LHFPL3: variants seen among roughly 807,000 people sequenced by gnomAD.
The protein encoded by LHFPL3 is LHFPL tetraspan subfamily member 3.
LHFPL3 carries 5 observed loss-of-function variants against 19.3 expected under a neutral mutation model. That is an observed-to-expected ratio of 0.26 (90% confidence interval 0.14 to 0.54). The LOEUF (loss-of-function observed/expected upper bound fraction) is 0.54. Among genes scored for constraint, LHFPL3 ranks in the 20% least tolerant of loss-of-function variants. The pLI, the probability that LHFPL3 is intolerant of heterozygous loss-of-function variation, is 0.94. For missense variants in LHFPL3, 249 were observed against 307.4 expected (o/e 0.81, Z 1.42); for synonymous variants, 133 against 126.2 (o/e 1.05, Z -0.36).
At position 104,602,272 on chromosome 7, in the gene LHFPL3, T is replaced by A. The variant is rs901518365; in HGVS notation, c.446-134403T>A. On this transcript the variant is annotated intron_variant, in intron 1 of 2. Transcript: ENST00000424859. ...CTGACCTCAAGTAATCCTCCCACCT[T>A]GGCCTCCCAAAGTGCTGAGATTACA... Among the ~76,000 whole-genome samples, 3 of 152,172 alleles carry A rather than the reference T, an allele frequency of 2.0e-5. No individual in the cohort carries two copies. In the South Asian group the frequency reaches 6.2e-4, roughly 32 times the overall value.
chr7:104,498,499 T>TG (rs1473727605), intron 1 of LHFPL3, among the ~76,000 whole-genome samples: 1 of 113,506 alleles, frequency 8.8e-6, no homozygotes, highest in Non-Finnish European at 1.6e-5. Context: ...AAGCAATGTT[T>TG]TTTTTTTTTT....
intron 1 of LHFPL3, among the ~76,000 whole-genome samples, chr7:104,377,454 G>T (rs1276558130): frequency 2.0e-5 from 3 of 152,216 alleles, no homozygotes; most frequent in Non-Finnish European, 4.4e-5. Flanking sequence ...GGAAAAGGAA[G>T]AGTTTAAGGA....
At position 104,373,790 on chromosome 7, in the gene LHFPL3, A is replaced by G. The variant is rs146868057; in HGVS notation, c.445+44566A>G. Among the ~76,000 whole-genome samples, 1,095 of 152,300 alleles carry G rather than the reference A, an allele frequency of 7.2e-3. 17 individuals are homozygous for G. Among genetic ancestry groups the G allele is most frequent in the African/African-American group, 0.025 (1,037 of 41,560 alleles). ...ATCTTTAAAAGAAGCTAGACTTTTA[A>G]TTAATCTCTTTAGGTTTGGGAGGGC... On this transcript the variant is annotated intron_variant, in intron 1 of 2. Transcript: ENST00000424859.
chr7:104,371,834 G>A (rs1790622412), intron 1 of LHFPL3, among the ~76,000 whole-genome samples: 1 of 152,156 alleles, frequency 6.6e-6, no homozygotes, highest in Non-Finnish European at 1.5e-5. Context: ...TATGCACATA[G>A]CATAGGAGTG....
chr7:104,686,034 C>T (rs542844953), intron 1 of LHFPL3, among the ~76,000 whole-genome samples: 1 of 152,192 alleles, frequency 6.6e-6, no homozygotes, highest in Non-Finnish European at 1.5e-5. Context: ...TTTCAAAAGC[C>T]TCAGCTCTGG....
intron 1 of LHFPL3, among the ~76,000 whole-genome samples, chr7:104,692,672 C>T (rs533695469): frequency 2.0e-5 from 3 of 152,330 alleles, no homozygotes; most frequent in Admixed American, 1.3e-4. Flanking sequence ...GTTGGGCCTG[C>T]GGGTACACAG....
At chr7:104,498,618 C>T (rs1793537016) in intron 1 of LHFPL3, among the ~76,000 whole-genome samples, 1 of 151,548 alleles carries the variant, frequency 6.6e-6, no homozygotes, top group South Asian at 2.1e-4. Flanking sequence ...GCTGGGACTA[C>T]AGGCGCCTGC....
At chr7:104,777,549 C>T (rs188497819) in intron 2 of LHFPL3, among the ~76,000 whole-genome samples, 10 of 152,324 alleles carry the variant, frequency 6.6e-5, no homozygotes, top group South Asian at 4.1e-4. Flanking sequence ...GCTATGTCTG[C>T]AGTTTCTTAT....
chr7:104,499,882 A>T (rs995885355), intron 1 of LHFPL3, among the ~76,000 whole-genome samples: 3 of 152,256 alleles, frequency 2.0e-5, no homozygotes, highest in Non-Finnish European at 4.4e-5. Flanking sequence ...GTAGAAGAAA[A>T]AAAGGAAAAT....
intron 1 of LHFPL3, among the ~76,000 whole-genome samples, chr7:104,525,387 AT>A (rs1794166989): frequency 6.6e-6 from 1 of 152,072 alleles, no homozygotes; most frequent in South Asian, 2.1e-4. Flanking sequence ...GTACTGATTT[AT>A]TCTAGGATAA....
At chr7:104,391,016 C>T (rs1484671858) in intron 1 of LHFPL3, among the ~76,000 whole-genome samples, 1 of 152,152 alleles carries the variant, frequency 6.6e-6, no homozygotes, top group African/African-American at 2.4e-5. Flanking sequence ...CCTTCGCCTA[C>T]TTTTTGATGG....
chr7:104,520,691 A>C (rs7806580), intron 1 of LHFPL3, among the ~76,000 whole-genome samples: 59,563 of 123,538 alleles, frequency 0.48, 14,890 homozygotes, highest in Middle Eastern at 0.6. Context: ...TGTATGTGTC[A>C]AGGAATTTAT....
intron 2 of LHFPL3, among the ~76,000 whole-genome samples, chr7:104,798,981 G>A (rs944493771): frequency 6.6e-6 from 1 of 152,142 alleles, no homozygotes; most frequent in Non-Finnish European, 1.5e-5. Flanking sequence ...TGGCGGGAAT[G>A]TTTAAGATTC....
At chr7:104,585,444 G>A (rs1004628180) in intron 1 of LHFPL3, among the ~76,000 whole-genome samples, 1 of 146,152 alleles carries the variant, frequency 6.8e-6, no homozygotes, top group Non-Finnish European at 1.5e-5. Flanking sequence ...TGCAGCTAAT[G>A]ATGAAAGTGG....
In LHFPL3 at chr7:104,639,316, G is replaced by A. The variant is rs77432168; in HGVS notation, c.446-97359G>A. Among the ~76,000 whole-genome samples the A allele has an allele frequency of 4.5e-3, 683 of 152,188 alleles. 41 individuals are homozygous for A. The East Asian group carries it at 0.11, about 25-fold the overall frequency. On this transcript the variant is annotated intron_variant, in intron 1 of 2. Coordinates refer to ENST00000424859, the MANE Select transcript of LHFPL3 (RefSeq NM_199000.3). ...GGTTCAGTCTTGGGAGTGTGTATGT[G>A]TCCAGGGATTTATCCATTTTTTTCC...
rs1794573041 is a variant in LHFPL3, at chr7:104,545,966, G to T, written c.446-190709G>T. Among the ~76,000 whole-genome samples, 6 of 152,170 alleles carry T rather than the reference G, an allele frequency of 3.9e-5. No individual in the cohort carries two copies. In the South Asian group the frequency reaches 1.2e-3, roughly 32 times the overall value. On this transcript the variant is annotated intron_variant, in intron 1 of 2. Coordinates refer to ENST00000424859, the MANE Select transcript of LHFPL3 (RefSeq NM_199000.3). ...ATCTCTGCTTTTGTGAATATGTCCA[G>T]ACACTAAAATTTAAAGAATTGTTGG...
chr7:104,724,411 T>C (rs2116257348), intron 1 of LHFPL3, among the ~76,000 whole-genome samples: 1 of 152,306 alleles, frequency 6.6e-6, no homozygotes, highest in Admixed American at 6.5e-5. Context: ...AAAATAAAAC[T>C]TCTGTTATGC....
chr7:104,333,868 A>G (rs1358232493), intron 1 of LHFPL3, among the ~76,000 whole-genome samples: 2 of 152,242 alleles, frequency 1.3e-5, no homozygotes, highest in African/African-American at 4.8e-5. Flanking sequence ...TACAGCATAG[A>G]GGTCAAAAGC....
chr7:104,577,731 A>C (rs1415455711), intron 1 of LHFPL3, among the ~76,000 whole-genome samples: 1 of 152,186 alleles, frequency 6.6e-6, no homozygotes, highest in Non-Finnish European at 1.5e-5. Flanking sequence ...GATGGATTTT[A>C]TTCTCCATAA....
Sources: gnomAD v4.1 joint callset for allele counts (sites outside exome capture counted in the v4.1 genomes callset) on GRCh38, gnomAD v4.1.1 for gene constraint, MANE v1.5 for transcripts, NCBI Gene and HGNC (gene_info 2026-07-23, HGNC 2026-07-21) for gene names.